ZNF208: variants seen among roughly 807,000 people sequenced by gnomAD.
ZNF208 encodes zinc finger protein 208.
In ZNF208, 10 loss-of-function variants were observed where a neutral mutation model predicts 12.1. The ratio of observed to expected loss-of-function variants is 0.83; its 90% CI spans 0.51 to 1.40. The LOEUF (loss-of-function observed/expected upper bound fraction) is 1.40. ZNF208 is among the 40% of genes most tolerant of loss of function. The probability of loss-of-function intolerance (pLI) is 0.00; values close to 1 mark genes in which losing one functional copy is unlikely to be tolerated. For synonymous variants in ZNF208, 497 were observed against 488.4 expected, an observed-to-expected ratio of 1.02 and a Z score of -0.23; for missense variants, 1,652 against 1,485.0, an observed-to-expected ratio of 1.11 and a Z score of -1.85.
At chr19:21,962,610 A>T (rs1970092164), downstream of ZNF208, among the ~76,000 whole-genome samples, 2 of 152,126 alleles carry the variant, frequency 1.3e-5, no homozygotes, top group Non-Finnish European at 2.9e-5. Flanking sequence ...TGCAAAGAAG[A>T]CACATTTGCT....
intron 4 of ZNF208, among the ~76,000 whole-genome samples, chr19:21,957,273 C>T (rs529267939): frequency 2.0e-5 from 3 of 152,272 alleles, no homozygotes; most frequent in African/African-American, 4.8e-5. Context: ...CTCTTGACCT[C>T]GTGATCTGCC....
intron 3 of ZNF208, among the ~76,000 whole-genome samples, chr19:21,979,073 C>A (rs1390767295): frequency 6.6e-6 from 1 of 152,098 alleles, no homozygotes; most frequent in Non-Finnish European, 1.5e-5. Context: ...AAATATGGGA[C>A]TATGTGAAAA....
chr19:21,972,624 G>A lies in ZNF208; in HGVS notation c.2410C>T (p.Pro804Ser). Residue 804 changes from proline (P) to serine (S), a missense_variant, in exon 4 of 4, where the codon CCC (proline) becomes TCC (serine). Coordinates refer to ENST00000397126, the MANE Select transcript of ZNF208 (RefSeq NM_007153.3). ...KHKRIHTDEK[P>S]YKCEECGKTF... ...TTGCCACATTCTTCACATTTGTAGG[G>A]TTTCTCATCAGTATGAATTCTCTTA... The A allele has an allele frequency of 6.2e-7, 1 of 1,613,214 alleles. No individual in the cohort carries two copies. Among genetic ancestry groups the A allele is most frequent in the Non-Finnish European group, 8.5e-7 (1 of 1,179,846 alleles).
At chr19:21,999,095 C>G (rs958425567) in intron 1 of ZNF208, among the ~76,000 whole-genome samples, 2 of 124,732 alleles carry the variant, frequency 1.6e-5, no homozygotes, top group Non-Finnish European at 3.4e-5. Flanking sequence ...ATAATTTATT[C>G]CCATTGGATA....
chr19:21,980,585 A>C (rs938349993), intron 3 of ZNF208, among the ~76,000 whole-genome samples: 1 of 152,154 alleles, frequency 6.6e-6, no homozygotes, highest in African/African-American at 2.4e-5. Context: ...TAGAAAATAT[A>C]TAGCACTAAA....
downstream of ZNF208, among the ~76,000 whole-genome samples, chr19:21,964,612 A>G (rs967480915): frequency 1.3e-5 from 2 of 151,766 alleles, no homozygotes; most frequent in African/African-American, 4.8e-5. Context: ...TCTAACAATG[A>G]TATCTCTCAT....
Position 21,974,222 on chromosome 19 carries a change from A to T in ZNF208, c.812T>A (p.Ile271Asn). 2 of 1,600,796 alleles carry T rather than the reference A, an allele frequency of 1.2e-6. No homozygotes were observed. Among genetic ancestry groups the T allele is most frequent in the Non-Finnish European group, 1.7e-6 (2 of 1,170,372 alleles). ...ATGAATTATCTTATGTTTAGTAAGG[A>T]TTGCAGATTGGTTAAAAGCCTTGCC... ...ECGKAFNQSAILTKHKIIHTG... is the reference protein window; with the variant it reads ...ECGKAFNQSANLTKHKIIHTG... Residue 271 changes from isoleucine (I) to asparagine (N), a missense_variant, in exon 4 of 4, where the codon ATC becomes AAC. By Grantham distance (149) the Ile-to-Asn change is moderately radical (BLOSUM62 -3). This residue lies in a region of ZNF208 where 410 missense variants were observed against 378.2 expected (regional missense o/e 1.08). Coordinates refer to ENST00000397126, the MANE Select transcript of ZNF208 (RefSeq NM_007153.3).
intron 1 of ZNF208, among the ~76,000 whole-genome samples, chr19:22,001,920 AAG>A (rs1555749013): frequency 3.3e-4 from 48 of 144,722 alleles, no homozygotes; most frequent in African/African-American, 1.2e-3. Context: ...AAAAAAAAAA[AAG>A]AAAAAAGAAA....
At chr19:22,007,448 T>G (rs907088835) in intron 1 of ZNF208, among the ~76,000 whole-genome samples, 5 of 137,024 alleles carry the variant, frequency 3.6e-5, no homozygotes, top group African/African-American at 1.4e-4. Flanking sequence ...GAGGAGGAGC[T>G]TGCAGTGAGA....
chr19:22,008,163 T>C (rs8111955), intron 1 of ZNF208, among the ~76,000 whole-genome samples: 92,301 of 150,668 alleles, frequency 0.61, 28,827 homozygotes, highest in African/African-American at 0.72. Flanking sequence ...ATTAGCCGGG[T>C]GTGGTGGTGC....
At chr19:21,981,988 A>C (rs1479521124) in intron 3 of ZNF208, among the ~76,000 whole-genome samples, 1 of 152,162 alleles carries the variant, frequency 6.6e-6, no homozygotes, top group Non-Finnish European at 1.5e-5. Flanking sequence ...TACAACTTAC[A>C]AGGGATGGGA....
At position 21,944,101 on chromosome 19, in the gene ZNF208, C is replaced by T. The variant is rs147544188; in HGVS notation, c.306-10864G>A. Among the ~76,000 whole-genome samples, 1,172 of 152,286 alleles carry T rather than the reference C, an allele frequency of 7.7e-3. 9 individuals carry two copies. Among genetic ancestry groups the T allele is most frequent in the African/African-American group, 0.026 (1,098 of 41,542 alleles). On this transcript the variant is annotated intron_variant, in intron 4 of 4. Transcript: ENST00000599916. ...AATGCTGTTTCATGTATAAATCTCA[C>T]TAAAAGGCACTATTCAGTAGATATT... is the stretch of plus-strand genomic sequence containing the variant.
intron 4 of ZNF208, among the ~76,000 whole-genome samples, chr19:21,960,725 A>G (rs1214419776): frequency 1.3e-5 from 2 of 151,932 alleles, no homozygotes; most frequent in African/African-American, 4.9e-5. Context: ...CCACAACCAG[A>G]AAGTCTTTGC....
At chr19:21,966,038 T>A (rs1461973604), downstream of ZNF208, 5 of 152,182 alleles carry the variant, frequency 3.3e-5, no homozygotes, top group Non-Finnish European at 5.9e-5. Flanking sequence ...GTGAAAAATT[T>A]GTCTTTCACC....
At chr19:22,008,907 A>C (rs1387591877) in intron 1 of ZNF208, among the ~76,000 whole-genome samples, 2 of 152,140 alleles carry the variant, frequency 1.3e-5, no homozygotes, top group Admixed American at 6.5e-5. Flanking sequence ...TTATGGGAGA[A>C]AATGACCCAG....
At chr19:21,942,479 T>C (rs145609584) in intron 4 of ZNF208, among the ~76,000 whole-genome samples, 5 of 152,312 alleles carry the variant, frequency 3.3e-5, no homozygotes, top group African/African-American at 1.2e-4. Flanking sequence ...AATCTCTTCT[T>C]GCTAATCCCA....
chr19:22,008,302 C>CAAA lies in ZNF208; in HGVS notation c.3+2487_3+2489dup, dbSNP rs71180503. Among the ~76,000 whole-genome samples, 6 of 98,924 alleles carry CAAA rather than the reference C, an allele frequency of 6.1e-5. 1 individual carries two copies. The highest frequency in any genetic ancestry group is 5.9e-5 in the Non-Finnish European group (3 of 50,744). The allele number at this position is 98,924 out of a possible 152,430, so 64.9% of individuals were successfully genotyped here. On this transcript the variant is annotated intron_variant, in intron 1 of 3. Transcript: ENST00000397126. Reference sequence around the variant, plus strand: ...TGGGTGACAGAATGAGACTCTATCTCAAAAAAAAAAAAAAGAAAAAAAAAA... The same window carrying CAAA: ...TGGGTGACAGAATGAGACTCTATCTCAAAAAAAAAAAAAAAAAGAAAAAAAAAA...
Position 21,974,711 on chromosome 19 carries a change from T to C in ZNF208, c.323A>G (p.His108Arg), listed in dbSNP as rs567221926. ...ACCAATTTTTAAGTGTAAATTCTCA[T>C]GTCCACATTTTTCATACCTTCTCAA... The part of the protein sequence containing the change: ...VILRRYEKCG[H>R]ENLHLKIGYT... The change falls in exon 4 of 4, where the codon CAT becomes CGT. Residue 108 changes from histidine to arginine, a missense_variant. This residue lies in a region of ZNF208 where 410 missense variants were observed against 378.2 expected (regional missense o/e 1.08). Transcript: ENST00000397126. The C allele has an allele frequency of 1.3e-5, 21 of 1,613,598 alleles. No individual in the cohort carries two copies. The highest frequency in any genetic ancestry group is 1.8e-5 in the Non-Finnish European group (21 of 1,179,736).
At chr19:21,948,575 C>T (rs752879956) in intron 4 of ZNF208, among the ~76,000 whole-genome samples, 7 of 152,110 alleles carry the variant, frequency 4.6e-5, no homozygotes, top group Non-Finnish European at 8.8e-5. Flanking sequence ...ACAGAAAATG[C>T]CCAATAAACA....
Sources: gnomAD v4.1 joint callset for allele counts (sites outside exome capture counted in the v4.1 genomes callset) on GRCh38, gnomAD v4.1.1 for gene constraint, gnomAD v4.1.1 regional missense constraint, MANE v1.5 for transcripts, NCBI Gene and HGNC (gene_info 2026-07-23, HGNC 2026-07-21) for gene names.